TM4SF18: variants seen among roughly 807,000 people sequenced by gnomAD.
The protein encoded by TM4SF18 is transmembrane 4 L six family member 18.
In TM4SF18, 22 loss-of-function variants were observed where a neutral mutation model predicts 23.8. That is an observed-to-expected ratio of 0.92 (90% confidence interval 0.66 to 1.32). The LOEUF (loss-of-function observed/expected upper bound fraction) is 1.32. Among genes scored for constraint, TM4SF18 ranks in the 40% most tolerant of loss-of-function variants. The pLI, the probability that TM4SF18 is intolerant of heterozygous loss-of-function variation, is 0.00. For synonymous variants in TM4SF18, 87 were observed against 87.9 expected, an observed-to-expected ratio of 0.99 and a Z score of 0.06; for missense variants, 255 against 240.3, an observed-to-expected ratio of 1.06 and a Z score of -0.41.
rs113275803 is a variant in TM4SF18 at position 149,328,144 on chromosome 3, T to C, written c.267+2186A>G. 5.0e-3 allele frequency among the ~76,000 whole-genome samples: 760 copies of C among 152,330 alleles called. 5 individuals carry two copies. Among genetic ancestry groups the C allele is most frequent in the African/African-American group, 0.018 (729 of 41,566 alleles). ...TGGAGAGTGCCTTAGTTCCTGCTGC[T>C]ATAATAAAAATACCTTAGACTGAGT... is the stretch of plus-strand genomic sequence containing the variant. On this transcript the variant is annotated intron_variant, in intron 3 of 5. Coordinates refer to ENST00000296059, the MANE Select transcript of TM4SF18 (RefSeq NM_138786.4).
chr3:149,327,769 A>G (rs1730985983), intron 3 of TM4SF18, among the ~76,000 whole-genome samples: 1 of 152,188 alleles, frequency 6.6e-6, no homozygotes, highest in African/African-American at 2.4e-5. Context: ...GGAAAACTGG[A>G]AAAAATATTC....
At chr3:149,326,187 T>G (rs2108360913) in intron 3 of TM4SF18, among the ~76,000 whole-genome samples, 1 of 152,338 alleles carries the variant, frequency 6.6e-6, no homozygotes, top group African/African-American at 2.4e-5. Context: ...AGACTACATC[T>G]CTTTAGTTTC....
At chr3:149,322,932 CTT>C (rs907429189) in intron 4 of TM4SF18, among the ~76,000 whole-genome samples, 2 of 122,696 alleles carry the variant, frequency 1.6e-5, no homozygotes, top group African/African-American at 5.6e-5. Context: ...GAGACGGAGT[CTT>C]GCTCTGTCGC....
Position 149,330,335 on chromosome 3 carries a change from AT to A in TM4SF18, c.261del (p.Lys87AsnfsTer3). Reference protein sequence around the residue: ...KCCQSENCSKKYVTLLSIIFS... With the variant: ...KCCQSENCSKXYVTLLSIIFS... ...AAAAAAACTGTTGCTCTTACCACAT[AT>A]TTTTTGCTGCAGTTTTCACTCTGGC... On this transcript the variant is annotated frameshift_variant, in exon 3 of 6. Transcript: ENST00000296059. LOFTEE classifies it high-confidence loss of function. The A allele has an allele frequency of 6.2e-7, 1 of 1,610,376 alleles. No individual in the cohort carries two copies. The highest frequency in any genetic ancestry group is 8.5e-7 in the Non-Finnish European group (1 of 1,177,684).
chr3:149,324,692 A>G lies in TM4SF18; in HGVS notation c.410+188T>C, dbSNP rs1576831493. ...TGAAAATGGCATTAAAAGACTGAAG[A>G]AAAAAATCTAAACAAAGATCTGTGC... On this transcript the variant is annotated intron_variant, in intron 4 of 5. Transcript: ENST00000296059. 6 of 685,938 alleles carry G rather than the reference A, an allele frequency of 8.7e-6. No homozygotes were observed. In the East Asian group the frequency reaches 1.4e-4, roughly 16 times the overall value. The allele number at this position is 685,938 out of a possible 1,614,324, so 42.5% of individuals were successfully genotyped here.
chr3:149,319,602 A>T lies in TM4SF18; in HGVS notation c.*1876T>A, dbSNP rs1730760608. 6.6e-6 allele frequency: 1 copy of T among 152,256 alleles called. No individual in the cohort carries two copies. Among genetic ancestry groups the T allele is most frequent in the African/African-American group, 2.4e-5 (1 of 41,460 alleles). The allele number at this position is 152,256 out of a possible 1,614,324, so 9.4% of individuals were successfully genotyped here. ...GAAATGATCAGCACAGTGACAAAGA[A>T]GAAAGACTATCTAGGAATCCAAGAA... On this transcript the variant is annotated 3_prime_UTR_variant, in exon 6 of 6. Transcript: ENST00000296059.
intron 4 of TM4SF18, among the ~76,000 whole-genome samples, chr3:149,322,905 C>CTTGTTTTTTTTTTTTTTTTT (rs1730844316): frequency 7.8e-6 from 1 of 128,768 alleles, no homozygotes; most frequent in Non-Finnish European, 1.7e-5. Context: ...GGCCTCCAGA[C>CTTGTTTTTTTTTTTTTTTTT]TTTTTTTTTT....
At chr3:149,325,170 G>T in intron 3 of TM4SF18, 148 bp from the exon 4 acceptor site, 1 of 671,654 alleles carries the variant, frequency 1.5e-6, no homozygotes, top group Non-Finnish European at 2.3e-6. Context: ...AAAAAAAAAA[G>T]TAATCCAAAC....
chr3:149,321,423 T>C lies in TM4SF18; in HGVS notation c.*55A>G. ...ATTGCCCTCAAGTCTACACAGTTGA[T>C]ATAATATTTAGATAGATGGCCATGT... On this transcript the variant is annotated 3_prime_UTR_variant, in exon 6 of 6. Transcript: ENST00000296059. The C allele has an allele frequency of 7.5e-7, 1 of 1,329,844 alleles. No homozygotes were observed. Among genetic ancestry groups the C allele is most frequent in the Non-Finnish European group, 1.0e-6 (1 of 954,512 alleles). 82.4% of individuals were successfully genotyped at this position (1,329,844 alleles called of 1,614,324 possible). A position where few individuals can be genotyped will look rare whatever the true frequency, so the allele number is the denominator to read the frequency against.
At chr3:149,325,508 G>A (rs756846807) in intron 3 of TM4SF18, among the ~76,000 whole-genome samples, 5 of 152,158 alleles carry the variant, frequency 3.3e-5, no homozygotes, top group Admixed American at 6.5e-5. Flanking sequence ...TTCAAGTGAC[G>A]ATAGGATTGA....
rs1730825717 is a variant in TM4SF18 at position 149,322,334 on chromosome 3, A to G, written c.513T>C (p.Leu171=). 5 of 1,614,090 alleles carry G rather than the reference A, an allele frequency of 3.1e-6. No homozygotes were observed. Among genetic ancestry groups the G allele is most frequent in the Non-Finnish European group, 4.2e-6 (5 of 1,179,996 alleles). ...LFSILITLSG[L]QVIICLIRVV... ...CTCTGATGAGGCAGATGATCACTTG[A>G]AGCCCACTGAGGGTTATGAGAATGG... The change falls in exon 5 of 6, where the codon CTT becomes CTC. Residue 171 remains leucine (L), a synonymous_variant. Transcript: ENST00000296059.
rs1210554648 is a variant in TM4SF18 at position 149,332,655 on chromosome 3, A to AT, written c.177+550dup. On this transcript the variant is annotated intron_variant, in intron 2 of 5. Coordinates refer to ENST00000296059, the MANE Select transcript of TM4SF18 (RefSeq NM_138786.4). ...TCTCTCTCCTGGGCACTTTATATAT[A>AT]TTTTATCTTTAAAAGTAAATGCCAT... Among the ~76,000 whole-genome samples, 3 of 152,174 alleles carry AT rather than the reference A, an allele frequency of 2.0e-5. No individual in the cohort carries two copies. The East Asian group carries it at 5.8e-4, about 29-fold the overall frequency.
In TM4SF18 at chr3:149,322,312, T is replaced by C. The variant is rs1453057915; in HGVS notation, c.535A>G (p.Arg179Gly). ...ATCTTGGATAGTTGCATGACTACTCTGATGAGGCAGATGATCACTTGAAGC... is the reference window on the plus strand; with the variant it reads ...ATCTTGGATAGTTGCATGACTACTCCGATGAGGCAGATGATCACTTGAAGC... ...SGLQVIICLI[R>G]VVMQLSKILC... Residue 179 changes from arginine to glycine, a missense_variant, in exon 5 of 6, where the codon AGA becomes GGA. Physicochemically the swap from Arg to Gly is moderately radical, Grantham distance 125. Transcript: ENST00000296059. 6.2e-7 allele frequency: 1 copy of C among 1,614,042 alleles called. No individual in the cohort carries two copies. The highest frequency in any genetic ancestry group is 2.2e-5 in the East Asian group (1 of 44,852).
chr3:149,329,138 G>T (rs1040049541), intron 3 of TM4SF18, among the ~76,000 whole-genome samples: 4 of 146,850 alleles, frequency 2.7e-5, no homozygotes, highest in Non-Finnish European at 4.5e-5. Context: ...GCTACTGGAG[G>T]ATGACTGAGT....
intron 3 of TM4SF18, among the ~76,000 whole-genome samples, chr3:149,329,708 T>C (rs1462627935): frequency 2.0e-5 from 3 of 152,194 alleles, no homozygotes; most frequent in Admixed American, 2.0e-4. Flanking sequence ...GCGGTTGTAT[T>C]ATTCACCCTG....
chr3:149,331,767 T>C (rs762223865), intron 2 of TM4SF18, among the ~76,000 whole-genome samples: 7 of 152,216 alleles, frequency 4.6e-5, no homozygotes, highest in Admixed American at 1.3e-4. Flanking sequence ...TCTGGTGTTT[T>C]CCCACATATG....
chr3:149,329,612 G>C (rs1363711983), intron 3 of TM4SF18, among the ~76,000 whole-genome samples: 1 of 152,176 alleles, frequency 6.6e-6, no homozygotes, highest in Non-Finnish European at 1.5e-5. Context: ...ACTATAAAGT[G>C]CTATGCAAGT....
intron 2 of TM4SF18, among the ~76,000 whole-genome samples, chr3:149,330,683 A>T (rs780259748): frequency 1.3e-5 from 2 of 152,224 alleles, no homozygotes; most frequent in Admixed American, 6.5e-5. Flanking sequence ...TATTATTATC[A>T]TGGTTAGCAA....
chr3:149,332,724 G>A (rs1407764468), intron 2 of TM4SF18, among the ~76,000 whole-genome samples: 1 of 152,104 alleles, frequency 6.6e-6, no homozygotes, highest in African/African-American at 2.4e-5. Flanking sequence ...CAAAGATACT[G>A]AGTAACTTGC....
Sources: allele counts gnomAD v4.1 joint callset (sites outside exome capture counted in the v4.1 genomes callset), GRCh38; gene constraint gnomAD v4.1.1; transcripts MANE v1.5; gene names NCBI Gene and HGNC (gene_info 2026-07-23, HGNC 2026-07-21).